ATP7A: variants seen among roughly 807,000 people sequenced by gnomAD.
ATP7A encodes copper-transporting ATPase 1.
Under a neutral mutation model 83.5 loss-of-function variants are expected in ATP7A, and 7 were observed. That is an observed-to-expected ratio of 0.08 (90% CI 0.05 to 0.16). ATP7A has a LOEUF of 0.16. Among genes scored for constraint, ATP7A ranks in the 10% least tolerant of loss-of-function variants. The pLI is 1.00. For synonymous variants in ATP7A, 354 were observed against 395.2 expected (o/e 0.90, Z 1.24); for missense variants, 940 against 1,120.8 (o/e 0.84, Z 2.30).
In ATP7A at chrX:78,003,144, C is replaced by A. The variant is rs781817601; in HGVS notation, c.1615C>A (p.Pro539Thr). 37 of 1,207,612 alleles carry A rather than the reference C, an allele frequency of 3.1e-5. No individual in the cohort carries two copies. The South Asian group carries it at 5.6e-4, about 18-fold the overall frequency. The stretch of plus-strand genomic sequence containing the variant: ...AAGGTATAATCCTGCTGTTATACAA[C>A]CCCCAATGATAGCAGAGTTCATCCG... The part of the protein sequence containing the change: ...EVRYNPAVIQ[P>T]PMIAEFIREL... The change falls in exon 6 of 23, where the codon CCC becomes ACC. Residue 539 changes from proline (P) to threonine (T), a missense_variant. This residue lies in a region of ATP7A where 350 missense variants were observed against 432.8 expected (regional missense o/e 0.81). Coordinates refer to ENST00000341514, the MANE Select transcript of ATP7A (RefSeq NM_000052.7).
intron 1 of ATP7A, chrX:77,962,914 T>G (rs185025712): frequency 3.1e-6 from 1 of 324,879 alleles, no homozygotes; most frequent in Non-Finnish European, 6.2e-6. Context: ...CTTAGCTCTT[T>G]GATAGTGACT....
chrX:78,038,416 C>T (rs1230132092), intron 17 of ATP7A, among the ~76,000 whole-genome samples: 3 of 110,889 alleles, frequency 2.7e-5, no homozygotes, highest in Non-Finnish European at 5.7e-5. Flanking sequence ...CCAGATAGCA[C>T]TAAGAGCCCA....
intron 5 of ATP7A, among the ~76,000 whole-genome samples, chrX:78,001,403 A>T (rs781794318): frequency 2.8e-5 from 3 of 108,486 alleles, no homozygotes; most frequent in Non-Finnish European, 5.7e-5. Context: ...CATAATAATC[A>T]CATCATGGAA....
intron 1 of ATP7A, among the ~76,000 whole-genome samples, chrX:77,911,592 G>A (rs1238846887): frequency 3.7e-5 from 4 of 106,985 alleles, no homozygotes; most frequent in Non-Finnish European, 7.7e-5. Context: ...GCGGGGGGGT[G>A]GTGGGGAGGG....
chrX:77,991,533 T>A (rs1320957772), intron 4 of ATP7A, among the ~76,000 whole-genome samples: 2 of 111,671 alleles, frequency 1.8e-5, no homozygotes, highest in Non-Finnish European at 3.8e-5. Flanking sequence ...TATGAACAAT[T>A]TGAGTTCAAA....
Position 78,045,690 on chromosome X carries a change from T to G in ATP7A, c.4226+118T>G, listed in dbSNP as rs782361534. The G allele has an allele frequency of 1.5e-4, 117 of 769,101 alleles. No individual in the cohort carries two copies. The African/African-American group carries it at 2.3e-3, about 15-fold the overall frequency. The allele number at this position is 769,101 out of a possible 1,213,427, so 63.4% of individuals were successfully genotyped here. On this transcript the variant is annotated intron_variant, in intron 22 of 22. Transcript: ENST00000341514. Reference sequence around the variant, plus strand: ...AAGCCCAAACCATTCTTAATGAGAATTATTATTAGCGGCCGGGCGTGGTGG... The same window carrying G: ...AAGCCCAAACCATTCTTAATGAGAAGTATTATTAGCGGCCGGGCGTGGTGG...
intron 2 of ATP7A, among the ~76,000 whole-genome samples, chrX:77,979,157 G>A (rs1374180046): frequency 9.0e-6 from 1 of 110,881 alleles, no homozygotes; most frequent in African/African-American, 3.3e-5. Flanking sequence ...TTTGTTATGC[G>A]CTCAGAATAT....
intron 1 of ATP7A, among the ~76,000 whole-genome samples, chrX:77,912,916 C>T (rs1234967187): frequency 9.0e-6 from 1 of 111,386 alleles, no homozygotes; most frequent in Non-Finnish European, 1.9e-5. Context: ...ACACTAATCC[C>T]TCCAAAGGAT....
At chrX:78,010,101 A>G (rs782262138) in intron 7 of ATP7A, among the ~76,000 whole-genome samples, 43 of 112,689 alleles carry the variant, frequency 3.8e-4, no homozygotes, top group Non-Finnish European at 6.9e-4. Context: ...ATTTGTATAG[A>G]TGACATTATC....
intron 2 of ATP7A, among the ~76,000 whole-genome samples, chrX:77,976,638 T>C (rs182171009): frequency 4.7e-4 from 53 of 112,315 alleles, no homozygotes; most frequent in Middle Eastern, 9.1e-3. Flanking sequence ...GTCTAAGTTT[T>C]ATAGTCATCT....
chrX:77,912,154 T>C (rs185180875), intron 1 of ATP7A, among the ~76,000 whole-genome samples: 8 of 111,648 alleles, frequency 7.2e-5, no homozygotes, highest in African/African-American at 2.6e-4. Context: ...AGAGAGTTTT[T>C]TTTGTACTTG....
intron 12 of ATP7A, among the ~76,000 whole-genome samples, chrX:78,019,280 G>A (rs1232933984): frequency 9.0e-6 from 1 of 111,489 alleles, no homozygotes; most frequent in Non-Finnish European, 1.9e-5. Context: ...CCACATCAGG[G>A]TCTACTCTAA....
intron 5 of ATP7A, 80 bp downstream of exon 5, chrX:77,998,764 CTA>C (rs2077720811): frequency 9.8e-7 from 1 of 1,015,354 alleles, no homozygotes; most frequent in Admixed American, 2.3e-5. Flanking sequence ...TGTTTTGTAA[CTA>C]TGTTATGATT....
chrX:78,048,799 T>A lies in ATP7A; in HGVS notation c.*2229T>A. Reference sequence around the variant, plus strand: ...CCCATCTTATAATACAACTTGTTTCTTCTAGAAGACAGAGCTGATAGGGTA... The same window carrying A: ...CCCATCTTATAATACAACTTGTTTCATCTAGAAGACAGAGCTGATAGGGTA... On this transcript the variant is annotated 3_prime_UTR_variant, in exon 23 of 23. Transcript: ENST00000341514. 9.0e-6 allele frequency: 1 copy of A among 111,320 alleles called. No individual in the cohort carries two copies. Among genetic ancestry groups the A allele is most frequent in the East Asian group, 2.8e-4 (1 of 3,580 alleles). 9.2% of individuals were successfully genotyped at this position (111,320 alleles called of 1,213,427 possible). A position where few individuals can be genotyped will look rare whatever the true frequency, so the allele number is the denominator to read the frequency against.
chrX:78,028,744 A>G (rs781925665), intron 14 of ATP7A, among the ~76,000 whole-genome samples: 2 of 112,575 alleles, frequency 1.8e-5, no homozygotes, highest in Non-Finnish European at 3.7e-5. Flanking sequence ...ATGAGCAAAC[A>G]CTGAACGTCA....
intron 16 of ATP7A, 72 bp downstream of exon 16, chrX:78,031,654 G>A (rs1188051856): frequency 1.8e-5 from 19 of 1,052,127 alleles, no homozygotes; most frequent in Non-Finnish European, 2.5e-5. Context: ...ATCTAGTCTG[G>A]TGTTTGACTG....
chrX:77,975,031 C>G (rs1162169756), intron 2 of ATP7A, among the ~76,000 whole-genome samples: 1 of 112,528 alleles, frequency 8.9e-6, no homozygotes, highest in Non-Finnish European at 1.9e-5. Flanking sequence ...CTATACCCAT[C>G]ACCTAGAAAA....
chrX:77,960,691 C>A (rs1460184339), intron 1 of ATP7A, among the ~76,000 whole-genome samples: 4 of 111,431 alleles, frequency 3.6e-5, no homozygotes, highest in Non-Finnish European at 7.5e-5. Context: ...ATGGTGATTA[C>A]CATCTCTACT....
intron 1 of ATP7A, among the ~76,000 whole-genome samples, chrX:77,913,791 A>T (rs1172696095): frequency 8.9e-6 from 1 of 111,894 alleles, no homozygotes; most frequent in Non-Finnish European, 1.9e-5. Context: ...CCCCATTTTG[A>T]GTCAGTTATG....
Sources: allele counts gnomAD v4.1 joint callset (sites outside exome capture counted in the v4.1 genomes callset), GRCh38; gene constraint gnomAD v4.1.1; regional missense constraint gnomAD v4.1.1; transcripts MANE v1.5; gene names NCBI Gene and HGNC (gene_info 2026-07-23, HGNC 2026-07-21).